AMBP: variants seen among roughly 807,000 people sequenced by gnomAD.
AMBP encodes alpha-1-microglobulin/bikunin precursor, also known as protein AMBP.
A neutral mutation model predicts 46.3 loss-of-function variants in AMBP; 37 were observed. That is an observed-to-expected ratio of 0.80 (90% confidence interval 0.61 to 1.05). The LOEUF (loss-of-function observed/expected upper bound fraction) is 1.05. Among genes scored for constraint, AMBP ranks in the 50% least tolerant of loss-of-function variants. The pLI is 0.00. For missense variants in AMBP, 475 were observed against 461.2 expected, an observed-to-expected ratio of 1.03 and a Z score of -0.27; for synonymous variants, 174 against 175.9, an observed-to-expected ratio of 0.99 and a Z score of 0.09.
chr9:114,074,192 C>A, intron 3 of AMBP, 40 bp from the exon 4 acceptor site: 1 of 1,536,296 alleles, frequency 6.5e-7, no homozygotes, highest in South Asian at 1.1e-5. Flanking sequence ...GATCAGTGGT[C>A]AGTAGACTCT....
intron 7 of AMBP, among the ~76,000 whole-genome samples, chr9:114,062,261 G>A (rs936970940): frequency 1.3e-5 from 2 of 152,200 alleles, no homozygotes; most frequent in Admixed American, 6.5e-5. Context: ...TTTGCTGATC[G>A]AGTTGGAGAG....
chr9:114,060,743 C>A (rs1275130133), intron 9 of AMBP, among the ~76,000 whole-genome samples, 182 bp downstream of exon 9: 2 of 152,192 alleles, frequency 1.3e-5, no homozygotes, highest in Non-Finnish European at 2.9e-5. Context: ...TAATAACTCC[C>A]CAAGGCCCAA....
At chr9:114,072,873 C>T in intron 5 of AMBP, 52 bp downstream of exon 5, 1 of 1,565,010 alleles carries the variant, frequency 6.4e-7, no homozygotes, top group South Asian at 1.1e-5. Flanking sequence ...TCTCTGGCGC[C>T]CACAAGGGAC....
rs982035836 is a variant in AMBP at position 114,060,235 on chromosome 9, G to T, written c.*4C>A. On this transcript the variant is annotated 3_prime_UTR_variant, in exon 10 of 10. Coordinates refer to ENST00000265132, the MANE Select transcript of AMBP (RefSeq NM_001633.4). ...CATCCTCTGACTTGCAGACCGGCCA[G>T]TTGTCAGTTGGAGAAGCGCAGCAGC... 14 of 1,612,954 alleles carry T rather than the reference G, an allele frequency of 8.7e-6. No homozygotes were observed. The African/African-American group carries it at 9.3e-5, about 11-fold the overall frequency.
At chr9:114,074,467 C>T (rs913510008) in intron 3 of AMBP, among the ~76,000 whole-genome samples, 1 of 152,200 alleles carries the variant, frequency 6.6e-6, no homozygotes, top group African/African-American at 2.4e-5. Context: ...CTCTTTGACT[C>T]ATTTATCCTT....
At chr9:114,074,581 A>G (rs1222905003) in intron 3 of AMBP, among the ~76,000 whole-genome samples, 1 of 152,262 alleles carries the variant, frequency 6.6e-6, no homozygotes, top group African/African-American at 2.4e-5. Context: ...AGCATATTCA[A>G]TAAACATTTT....
chr9:114,069,110 A>G (rs1272846802), intron 6 of AMBP, among the ~76,000 whole-genome samples: 1 of 152,114 alleles, frequency 6.6e-6, no homozygotes, highest in Non-Finnish European at 1.5e-5. Flanking sequence ...GTACATACAT[A>G]CATACATTAG....
intron 8 of AMBP, 148 bp downstream of exon 8, chr9:114,061,276 A>C: frequency 7.0e-7 from 1 of 1,432,158 alleles, no homozygotes; most frequent in African/African-American, 1.4e-5. Flanking sequence ...CCACATCCAA[A>C]GGTGGAATTC....
rs768140907 is a variant in AMBP, at chr9:114,061,424, CCA to C, written c.851_852del (p.Val284GlyfsTer22). ...CACAGGGGTGGGGACCCGCACTCAC[CCA>C]CAGTTCGGCAGGTCTGCAGACACTC... ...EKECLQTCRT[V>X]AACNLPIVRG... On this transcript the variant is annotated frameshift_variant and splice_region_variant, in exon 8 of 10. Coordinates refer to ENST00000265132, the MANE Select transcript of AMBP (RefSeq NM_001633.4). LOFTEE classifies it high-confidence loss of function. The C allele has an allele frequency of 6.2e-7, 1 of 1,614,126 alleles. No individual in the cohort carries two copies. Among genetic ancestry groups the C allele is most frequent in the Non-Finnish European group, 8.5e-7 (1 of 1,180,006 alleles).
intron 5 of AMBP, among the ~76,000 whole-genome samples, chr9:114,072,307 A>G (rs529294849): frequency 6.6e-6 from 1 of 152,144 alleles, no homozygotes; most frequent in Non-Finnish European, 1.5e-5. Context: ...TGGTCCAGCC[A>G]TACCCTTACA....
intron 7 of AMBP, 99 bp from the exon 8 acceptor site, chr9:114,061,690 A>C: frequency 7.4e-7 from 1 of 1,349,962 alleles, no homozygotes; most frequent in Non-Finnish European, 9.9e-7. Context: ...ATTTTCACTA[A>C]AAGGATTATC....
At position 114,062,713 on chromosome 9, in the gene AMBP, C is replaced by A; in HGVS notation, c.649G>T (p.Gly217Cys). The A allele has an allele frequency of 1.9e-6, 3 of 1,614,014 alleles. No homozygotes were observed. The highest frequency in any genetic ancestry group is 2.5e-6 in the Non-Finnish European group (3 of 1,180,022). ...GTGACTTCAGTTACCAGTTGCCCAC[C>A]CCCTGATCCTTCCTCTTCTTGGGGT... Reference protein sequence around the residue: ...VLPQEEEGSGGGQLVTEVTKK... With the variant: ...VLPQEEEGSGCGQLVTEVTKK... The change falls in exon 7 of 10, where the codon GGT (glycine) becomes TGT (cysteine). Residue 217 changes from glycine to cysteine, a missense_variant. Gly to Cys is a radical substitution (Grantham distance 159). This residue lies in a region of AMBP where 293 missense variants were observed against 276.9 expected (regional missense o/e 1.06). Transcript: ENST00000265132.
chr9:114,071,673 C>T (rs1440876166), intron 5 of AMBP, among the ~76,000 whole-genome samples: 2 of 152,226 alleles, frequency 1.3e-5, no homozygotes, highest in East Asian at 3.8e-4. Flanking sequence ...CCATGGCCGC[C>T]CATGGGCCAG....
At chr9:114,066,204 C>T (rs1343980267) in intron 6 of AMBP, among the ~76,000 whole-genome samples, 1 of 152,244 alleles carries the variant, frequency 6.6e-6, no homozygotes, top group African/African-American at 2.4e-5. Context: ...TGCATCACAG[C>T]TGGACTGCTT....
chr9:114,071,742 C>G (rs1404145735), intron 5 of AMBP, among the ~76,000 whole-genome samples: 2 of 152,214 alleles, frequency 1.3e-5, no homozygotes, highest in African/African-American at 4.8e-5. Context: ...CAGATTCGAA[C>G]AGAGGACAGA....
At chr9:114,065,272 GGT>G (rs1350786582) in intron 6 of AMBP, among the ~76,000 whole-genome samples, 1 of 152,154 alleles carries the variant, frequency 6.6e-6, no homozygotes, top group Non-Finnish European at 1.5e-5. Flanking sequence ...AGGTTATTAG[GGT>G]GGACCCTAAT....
intron 3 of AMBP, 125 bp from the exon 4 acceptor site, chr9:114,074,277 A>G: frequency 4.3e-6 from 3 of 697,912 alleles, no homozygotes; most frequent in Non-Finnish European, 7.6e-6. Flanking sequence ...CATGCCTTCC[A>G]TATCTCCATT....
chr9:114,066,031 C>T (rs1588488846), intron 6 of AMBP, among the ~76,000 whole-genome samples: 1 of 94,260 alleles, frequency 1.1e-5, no homozygotes. Context: ...AGGGGTCAGC[C>T]CCTTTTGGGG....
At position 114,076,670 on chromosome 9, in the gene AMBP, A is replaced by G. The variant is rs746077501; in HGVS notation, c.188T>C (p.Met63Thr). Residue 63 changes from methionine to threonine, a missense_variant, in exon 2 of 10, where the codon ATG (methionine) becomes ACG (threonine). This residue lies in a region of AMBP where 179 missense variants were observed against 167.4 expected (regional missense o/e 1.07). Coordinates refer to ENST00000265132, the MANE Select transcript of AMBP (RefSeq NM_001633.4). ...TCCCAGCACCAGCGTGCTCACTGTCATCCTGTCCATGATCTTCTTCAGCCA... is the reference window on the plus strand; with the variant it reads ...TCCCAGCACCAGCGTGCTCACTGTCGTCCTGTCCATGATCTTCTTCAGCCA... ...CPWLKKIMDR[M>T]TVSTLVLGEG... 4 of 1,613,862 alleles carry G rather than the reference A, an allele frequency of 2.5e-6. No individual in the cohort carries two copies. In the South Asian group the frequency reaches 3.3e-5, roughly 13 times the overall value.
Sources: gnomAD v4.1 joint callset for allele counts (sites outside exome capture counted in the v4.1 genomes callset) on GRCh38, gnomAD v4.1.1 for gene constraint, gnomAD v4.1.1 regional missense constraint, MANE v1.5 for transcripts, NCBI Gene and HGNC (gene_info 2026-07-23, HGNC 2026-07-21) for gene names.